Variants in CNTN5 observed in about 807,000 individuals in gnomAD.
CNTN5 encodes the protein contactin 5.
CNTN5 carries 77 observed loss-of-function variants against 129.1 expected under a neutral mutation model. The observed-to-expected ratio is 0.60, with a 90% confidence interval of 0.50 to 0.72. CNTN5 has a LOEUF of 0.72. CNTN5 is among the 30% of genes least tolerant of loss of function. CNTN5 has a pLI of 0.00. For missense variants in CNTN5, 1,478 were observed against 1,328.8 expected, an observed-to-expected ratio of 1.11 and a Z score of -1.75; for synonymous variants, 509 against 465.6, an observed-to-expected ratio of 1.09 and a Z score of -1.20.
intron 2 of CNTN5, among the ~76,000 whole-genome samples, chr11:99,371,878 A>G (rs2136134255): frequency 6.6e-6 from 1 of 152,344 alleles, no homozygotes; most frequent in South Asian, 2.1e-4. Flanking sequence ...GCTAAGTTTA[A>G]ACAGGCTTCT....
chr11:99,445,256 C>T (rs1433562563), intron 2 of CNTN5, among the ~76,000 whole-genome samples: 1 of 150,998 alleles, frequency 6.6e-6, no homozygotes, highest in Non-Finnish European at 1.5e-5. Flanking sequence ...TATTTTTATT[C>T]TTAAGAGTTC....
At chr11:100,049,297 A>C (rs1942840700) in intron 9 of CNTN5, among the ~76,000 whole-genome samples, 1 of 152,116 alleles carries the variant, frequency 6.6e-6, no homozygotes, top group Non-Finnish European at 1.5e-5. Flanking sequence ...AAAGGGTAGG[A>C]AGGAGAACCG....
intron 1 of CNTN5, among the ~76,000 whole-genome samples, chr11:99,291,515 T>C (rs1864169178): frequency 6.6e-6 from 1 of 151,930 alleles, no homozygotes; most frequent in African/African-American, 2.4e-5. Flanking sequence ...ATTTTATTTC[T>C]AAAAAATGTG....
chr11:100,069,591 C>G (rs912727793), intron 10 of CNTN5, among the ~76,000 whole-genome samples: 1 of 152,074 alleles, frequency 6.6e-6, no homozygotes, highest in African/African-American at 2.4e-5. Context: ...TAAGATCGAA[C>G]AAGAACTATG....
intron 3 of CNTN5, among the ~76,000 whole-genome samples, chr11:99,735,105 T>C (rs1943660318): frequency 6.6e-6 from 1 of 152,244 alleles, no homozygotes; most frequent in Non-Finnish European, 1.5e-5. Context: ...TTTTTCTACA[T>C]GTATTATTCG....
chr11:100,335,984 A>T (rs1952031049), intron 21 of CNTN5, among the ~76,000 whole-genome samples: 1 of 152,178 alleles, frequency 6.6e-6, no homozygotes, highest in Non-Finnish European at 1.5e-5. Context: ...AAATATTAAA[A>T]TATCAAGAAA....
At chr11:99,519,919 G>A (rs1947209561) in intron 2 of CNTN5, among the ~76,000 whole-genome samples, 1 of 152,032 alleles carries the variant, frequency 6.6e-6, no homozygotes, top group Non-Finnish European at 1.5e-5. Flanking sequence ...CAGACTTTAA[G>A]TGGATAGTCA....
intron 9 of CNTN5, among the ~76,000 whole-genome samples, chr11:100,003,640 G>C (rs1318614323): frequency 6.6e-6 from 1 of 152,138 alleles, no homozygotes; most frequent in Admixed American, 6.5e-5. Flanking sequence ...GTTAGATGTG[G>C]TTGCCTTTGG....
chr11:99,332,548 A>G (rs1383596795), intron 2 of CNTN5, among the ~76,000 whole-genome samples: 1 of 152,104 alleles, frequency 6.6e-6, no homozygotes, highest in Non-Finnish European at 1.5e-5. Flanking sequence ...TTTATCATAT[A>G]CATACGCCTG....
At chr11:99,945,261 T>C (rs557909136) in intron 7 of CNTN5, among the ~76,000 whole-genome samples, 1 of 152,098 alleles carries the variant, frequency 6.6e-6, no homozygotes. Context: ...GAGCAACATA[T>C]ACTATAAAAT....
chr11:99,101,836 G>A (rs552400862), intron 1 of CNTN5, among the ~76,000 whole-genome samples: 134 of 152,302 alleles, frequency 8.8e-4, no homozygotes, highest in African/African-American at 3.2e-3. Context: ...GGTGCTGGAG[G>A]ACGGTGGCCC....
At chr11:99,577,669 G>A (rs927334064) in intron 3 of CNTN5, among the ~76,000 whole-genome samples, 1 of 151,860 alleles carries the variant, frequency 6.6e-6, no homozygotes, top group East Asian at 1.9e-4. Context: ...GTGTTTAAAA[G>A]AGTTTGTGGG....
chr11:99,882,105 G>T (rs1224047875), intron 6 of CNTN5, among the ~76,000 whole-genome samples: 1 of 152,158 alleles, frequency 6.6e-6, no homozygotes, highest in African/African-American at 2.4e-5. Flanking sequence ...ATGACTGAGG[G>T]ACTGTGAAGC....
chr11:99,758,598 T>C (rs886091764), intron 3 of CNTN5, among the ~76,000 whole-genome samples: 18 of 152,020 alleles, frequency 1.2e-4, no homozygotes, highest in African/African-American at 1.7e-4. Flanking sequence ...ATAAATTTAA[T>C]TATAATCTTA....
intron 12 of CNTN5, among the ~76,000 whole-genome samples, chr11:100,073,716 A>C (rs1210411986): frequency 6.6e-6 from 1 of 152,044 alleles, no homozygotes; most frequent in African/African-American, 2.4e-5. Context: ...ATATTAAAGT[A>C]ATATACAGAA....
At chr11:99,935,392 T>C (rs1037426375) in intron 7 of CNTN5, among the ~76,000 whole-genome samples, 3 of 152,060 alleles carry the variant, frequency 2.0e-5, no homozygotes, top group African/African-American at 4.8e-5. Context: ...CCGAGCATTA[T>C]ATTATAAACA....
intron 8 of CNTN5, among the ~76,000 whole-genome samples, chr11:99,972,537 A>G (rs2137311947): frequency 6.6e-6 from 1 of 152,302 alleles, no homozygotes; most frequent in East Asian, 1.9e-4. Flanking sequence ...GTTGAGAAGC[A>G]CTTCCATTTC....
intron 3 of CNTN5, among the ~76,000 whole-genome samples, chr11:99,717,061 C>T (rs552482624): frequency 2.0e-4 from 30 of 151,878 alleles, no homozygotes; most frequent in African/African-American, 7.2e-4. Context: ...TTTCCTTTTG[C>T]TTTTTACTCT....
At chr11:99,730,037 C>T (rs1187459116) in intron 3 of CNTN5, among the ~76,000 whole-genome samples, 1 of 152,164 alleles carries the variant, frequency 6.6e-6, no homozygotes, top group African/African-American at 2.4e-5. Context: ...GTACACCCTG[C>T]ACATGTATCC....
Sources: gnomAD v4.1 joint callset for allele counts (sites outside exome capture counted in the v4.1 genomes callset) on GRCh38, gnomAD v4.1.1 for gene constraint, MANE v1.5 for transcripts, NCBI Gene and HGNC (gene_info 2026-07-23, HGNC 2026-07-21) for gene names.